Variants in POLR1A observed in about 807,000 individuals in gnomAD.
The protein encoded by POLR1A is RNA polymerase I subunit A, also known as DNA-directed RNA polymerase I subunit RPA1.
POLR1A carries 84 observed loss-of-function variants against 205.3 expected under a neutral mutation model. The ratio of observed to expected loss-of-function variants is 0.41; its 90% CI spans 0.34 to 0.49. The LOEUF (loss-of-function observed/expected upper bound fraction) is 0.49. Among genes scored for constraint, POLR1A ranks in the 20% least tolerant of loss-of-function variants. The probability of loss-of-function intolerance (pLI) is 0.22; values close to 1 mark genes in which losing one functional copy is unlikely to be tolerated. For missense variants in POLR1A, 1,645 were observed against 2,204.5 expected, an observed-to-expected ratio of 0.75 and a Z score of 5.08; for synonymous variants, 799 against 863.7, an observed-to-expected ratio of 0.93 and a Z score of 1.31.
chr2:86,068,396 G>GT lies in POLR1A; in HGVS notation c.1866+1621_1866+1622insA, dbSNP rs894186998. Reference sequence around the variant, plus strand: ...AGCCAAGCACATGGGCGGGGGGGGGGGGCGGGTGTCGTCCAAAGCTGCTGG... The same window carrying GT: ...AGCCAAGCACATGGGCGGGGGGGGGGTGGCGGGTGTCGTCCAAAGCTGCTGG... On this transcript the variant is annotated intron_variant, in intron 13 of 33. Coordinates refer to ENST00000263857, the MANE Select transcript of POLR1A (RefSeq NM_015425.6). Among the ~76,000 whole-genome samples, 172 of 112,792 alleles carry GT rather than the reference G, an allele frequency of 1.5e-3. 35 individuals carry two copies. Among genetic ancestry groups the GT allele is most frequent in the Non-Finnish European group, 2.4e-3 (126 of 52,532 alleles). The allele number at this position is 112,792 out of a possible 152,430, so 74.0% of individuals were successfully genotyped here. A position where few individuals can be genotyped will look rare whatever the true frequency, so the allele number is the denominator to read the frequency against.
intron 26 of POLR1A, 64 bp downstream of exon 26, chr2:86,039,263 C>T: frequency 1.9e-6 from 3 of 1,569,456 alleles, no homozygotes; most frequent in Non-Finnish European, 2.6e-6. Context: ...CTGTTCTTCA[C>T]ACATGGGGAG....
chr2:86,051,630 C>T (rs746655720), intron 16 of POLR1A, among the ~76,000 whole-genome samples: 41 of 152,218 alleles, frequency 2.7e-4, no homozygotes, highest in African/African-American at 8.7e-4. Context: ...CCCCCTAACG[C>T]GAACAGCGTG....
At chr2:86,098,484 T>C in intron 3 of POLR1A, 127 bp downstream of exon 3, 1 of 892,836 alleles carries the variant, frequency 1.1e-6, no homozygotes, top group African/African-American at 1.7e-5. Context: ...TGGTATCCAG[T>C]TATAAGATAT....
At chr2:86,042,887 T>A in intron 23 of POLR1A, 87 bp downstream of exon 23, 1 of 930,400 alleles carries the variant, frequency 1.1e-6, no homozygotes, top group East Asian at 2.4e-5. Flanking sequence ...TGATTCTACC[T>A]TCTCTTAGGA....
chr2:86,030,183 C>G lies in POLR1A; in HGVS notation c.4779+13G>C, dbSNP rs774819828. Reference sequence around the variant, plus strand: ...TAATGCTTTGTCCCAGGCCAGCAGACAGCCTGTCTTACCTCTGCATACTTG... The same window carrying G: ...TAATGCTTTGTCCCAGGCCAGCAGAGAGCCTGTCTTACCTCTGCATACTTG... On this transcript the variant is annotated intron_variant, in intron 31 of 33. Transcript: ENST00000263857. The G allele has an allele frequency of 1.6e-5, 26 of 1,608,270 alleles. No homozygotes were observed. Among genetic ancestry groups the G allele is most frequent in the Non-Finnish European group, 2.2e-5 (26 of 1,174,572 alleles).
intron 9 of POLR1A, among the ~76,000 whole-genome samples, chr2:86,079,144 G>A (rs1392335761): frequency 3.3e-5 from 5 of 152,210 alleles, no homozygotes; most frequent in African/African-American, 4.8e-5. Context: ...AAACCCAGTA[G>A]TGATGAAGTG....
chr2:86,080,119 C>T (rs555838503), intron 9 of POLR1A, among the ~76,000 whole-genome samples: 5 of 152,218 alleles, frequency 3.3e-5, no homozygotes, highest in East Asian at 1.9e-4. Context: ...ACTGTCGCAG[C>T]GGCTGGAGTC....
At chr2:86,048,799 G>C (rs959740811) in intron 18 of POLR1A, 85 bp downstream of exon 18, 2 of 1,255,130 alleles carry the variant, frequency 1.6e-6, no homozygotes, top group Non-Finnish European at 2.3e-6. Flanking sequence ...GTGCTCTGTA[G>C]GGCCCAGGTG....
intron 14 of POLR1A, 144 bp downstream of exon 14, chr2:86,065,130 C>G: frequency 6.5e-6 from 5 of 773,906 alleles, no homozygotes; most frequent in Non-Finnish European, 6.2e-6. Context: ...ACTCAGGAAC[C>G]CCAAACAAAG....
chr2:86,078,788 A>G (rs922549736), intron 9 of POLR1A, among the ~76,000 whole-genome samples: 3 of 152,258 alleles, frequency 2.0e-5, no homozygotes, highest in African/African-American at 4.8e-5. Flanking sequence ...TATGTCATCA[A>G]CTAAGATGTG....
intron 3 of POLR1A, among the ~76,000 whole-genome samples, chr2:86,091,682 T>A (rs1411112323): frequency 1.3e-5 from 2 of 152,346 alleles, no homozygotes; most frequent in East Asian, 3.9e-4. Context: ...TTAAATGAAA[T>A]GGGGAAATTC....
chr2:86,083,229 G>T, intron 6 of POLR1A, 61 bp from the exon 7 acceptor site: 1 of 1,156,490 alleles, frequency 8.6e-7, no homozygotes, highest in Non-Finnish European at 1.3e-6. Context: ...TTTCTGCAAT[G>T]GGATTTATCA....
In POLR1A at chr2:86,038,829, G is replaced by A. The variant is rs762694463; in HGVS notation, c.3905C>T (p.Ser1302Phe). ...EVLQKIDVQE[S>F]FCMEEKQNKF... ...GTTCTGTTTTTCTTCCATACAGAAG[G>A]ACTCCTGGACGTCAATTTTCTGCAA... Residue 1302 changes from serine to phenylalanine, a missense_variant, in exon 27 of 34, where the codon TCC (serine) becomes TTC (phenylalanine). Ser to Phe is a radical substitution (Grantham distance 155). Coordinates refer to ENST00000263857, the MANE Select transcript of POLR1A (RefSeq NM_015425.6). 15 of 1,613,974 alleles carry A rather than the reference G, an allele frequency of 9.3e-6. No individual in the cohort carries two copies. Among genetic ancestry groups the A allele is most frequent in the Non-Finnish European group, 1.3e-5 (15 of 1,179,986 alleles).
In POLR1A at chr2:86,070,565, AG is replaced by A. The variant is rs1308072743; in HGVS notation, c.1612-294del. ...TTCTTCAGAGATGCATAGCCGTCCC[AG>A]GTTTCTGGATTACTCTGAAAACTAA... On this transcript the variant is annotated intron_variant, in intron 12 of 33. Coordinates refer to ENST00000263857, the MANE Select transcript of POLR1A (RefSeq NM_015425.6). The surrounding 1 kb of genome is among the most constrained non-coding windows in gnomAD (Gnocchi z 4.4). Among the ~76,000 whole-genome samples the A allele has an allele frequency of 6.6e-6, 1 of 152,146 alleles. No individual in the cohort carries two copies. Among genetic ancestry groups the A allele is most frequent in the Non-Finnish European group, 1.5e-5 (1 of 68,034 alleles).
chr2:86,032,579 C>A (rs1252576323), intron 28 of POLR1A, among the ~76,000 whole-genome samples, 197 bp from the exon 29 acceptor site: 1 of 152,056 alleles, frequency 6.6e-6, no homozygotes, highest in Non-Finnish European at 1.5e-5. Flanking sequence ...GTCCCAGAAC[C>A]CAGGCCTCCT....
intron 11 of POLR1A, among the ~76,000 whole-genome samples, chr2:86,076,641 G>A (rs765751170): frequency 1.3e-5 from 2 of 152,294 alleles, no homozygotes; most frequent in Non-Finnish European, 1.5e-5. Flanking sequence ...TCTGCAGGTG[G>A]GCAGAGAAGT....
At chr2:86,035,444 A>T (rs1040203143) in intron 27 of POLR1A, among the ~76,000 whole-genome samples, 4 of 152,172 alleles carry the variant, frequency 2.6e-5, no homozygotes, top group Admixed American at 1.3e-4. Flanking sequence ...CATCTGCAAC[A>T]TGGGATCACT....
chr2:86,049,649 G>C (rs1210978818), intron 16 of POLR1A, among the ~76,000 whole-genome samples: 1 of 152,194 alleles, frequency 6.6e-6, no homozygotes, highest in Non-Finnish European at 1.5e-5. Context: ...AAAAGAGAGA[G>C]AGAACATCTC....
At chr2:86,088,730 G>C in intron 5 of POLR1A, 55 bp downstream of exon 5, 1 of 1,590,158 alleles carries the variant, frequency 6.3e-7, no homozygotes, top group South Asian at 1.1e-5. Flanking sequence ...TTTAATAATA[G>C]CAATGAGTGA....
Sources: gnomAD v4.1 joint callset for allele counts (sites outside exome capture counted in the v4.1 genomes callset) on GRCh38, gnomAD v4.1.1 for gene constraint, Gnocchi (gnomAD v3.1) non-coding constraint, MANE v1.5 for transcripts, NCBI Gene and HGNC (gene_info 2026-07-23, HGNC 2026-07-21) for gene names.